PDE7B: variants seen among roughly 807,000 people sequenced by gnomAD.
The protein encoded by PDE7B is 3',5'-cyclic-AMP phosphodiesterase 7B.
In PDE7B, 29 loss-of-function variants were observed where a neutral mutation model predicts 56.2. The ratio of observed to expected loss-of-function variants is 0.52; its 90% CI spans 0.38 to 0.70. The LOEUF is 0.70. PDE7B is among the 30% of genes least tolerant of loss of function. PDE7B has a pLI of 0.00. For missense variants in PDE7B, 490 were observed against 565.0 expected (o/e 0.87, Z 1.35); for synonymous variants, 197 against 196.9 (o/e 1.00, Z 0.00).
chr6:135,926,085 TGGGGGGG>T (rs948738463), intron 1 of PDE7B, among the ~76,000 whole-genome samples: 4 of 16,158 alleles, frequency 2.5e-4, no homozygotes, highest in Admixed American at 1.8e-3. Flanking sequence ...TTCTTTTTTT[TGGGGGGG>T]GGGGGGGGAG....
At chr6:135,866,789 A>G (rs1775269147) in intron 1 of PDE7B, among the ~76,000 whole-genome samples, 1 of 152,246 alleles carries the variant, frequency 6.6e-6, no homozygotes, top group Admixed American at 6.5e-5. Flanking sequence ...TGTCGTAAAC[A>G]CATAAAAGAT....
At chr6:136,079,265 A>T (rs1396151042) in intron 2 of PDE7B, among the ~76,000 whole-genome samples, 1 of 152,162 alleles carries the variant, frequency 6.6e-6, no homozygotes, top group East Asian at 1.9e-4. Context: ...CAAGCATGGC[A>T]GTACTCTGGC....
rs905979163 is a variant in PDE7B at position 136,160,150 on chromosome 6, A to C, written c.711+4392A>C. Among the ~76,000 whole-genome samples, 6 of 152,142 alleles carry C rather than the reference A, an allele frequency of 3.9e-5. No individual in the cohort carries two copies. In the South Asian group the frequency reaches 6.2e-4, roughly 16 times the overall value. On this transcript the variant is annotated intron_variant, in intron 8 of 12. Transcript: ENST00000308191. ...CTCCTTCAACTTTAAGATGAAGATT[A>C]CTCTTAAAACTGCAAGTAGGAAGGG... is the stretch of plus-strand genomic sequence containing the variant.
intron 2 of PDE7B, among the ~76,000 whole-genome samples, chr6:136,021,612 C>A (rs1324398163): frequency 6.6e-6 from 1 of 151,518 alleles, no homozygotes; most frequent in African/African-American, 2.4e-5. Flanking sequence ...CCACTGCACT[C>A]CAGTCTGGGT....
chr6:135,991,685 T>A (rs919994555), intron 2 of PDE7B, among the ~76,000 whole-genome samples: 1 of 152,186 alleles, frequency 6.6e-6, no homozygotes, highest in Non-Finnish European at 1.5e-5. Flanking sequence ...TCGAATGCTT[T>A]TTAGTCATGC....
chr6:136,050,999 G>C (rs1776615454), intron 2 of PDE7B, among the ~76,000 whole-genome samples: 1 of 152,068 alleles, frequency 6.6e-6, no homozygotes, highest in Non-Finnish European at 1.5e-5. Flanking sequence ...TAAGTCAATA[G>C]TTAGAAATAC....
At chr6:135,870,828 A>G (rs1775364683) in intron 1 of PDE7B, among the ~76,000 whole-genome samples, 1 of 152,094 alleles carries the variant, frequency 6.6e-6, no homozygotes, top group Admixed American at 6.6e-5. Flanking sequence ...ACCTAGGAAG[A>G]CAATGTAAAG....
At chr6:135,907,896 A>G (rs1776144231) in intron 1 of PDE7B, among the ~76,000 whole-genome samples, 1 of 152,200 alleles carries the variant, frequency 6.6e-6, no homozygotes. Flanking sequence ...AAAAGATTGA[A>G]AAGACATGTC....
chr6:136,048,643 A>G (rs917093337), intron 2 of PDE7B, among the ~76,000 whole-genome samples: 1 of 152,198 alleles, frequency 6.6e-6, no homozygotes, highest in African/African-American at 2.4e-5. Flanking sequence ...CTATAGGGAT[A>G]AGAAAACTTC....
intron 1 of PDE7B, among the ~76,000 whole-genome samples, chr6:135,909,055 G>C (rs887932455): frequency 6.6e-6 from 1 of 152,048 alleles, no homozygotes; most frequent in Non-Finnish European, 1.5e-5. Context: ...TCTTATGTTA[G>C]TTATGACAAT....
At position 135,933,871 on chromosome 6, in the gene PDE7B, A is replaced by G. The variant is rs572048521; in HGVS notation, c.22-13593A>G. ...ATTCATTTGTATTCCTTTTCTTAAG[A>G]GTCCTCCCTTTATATTTTATAAATT... On this transcript the variant is annotated intron_variant, in intron 1 of 12. Coordinates refer to ENST00000308191, the MANE Select transcript of PDE7B (RefSeq NM_018945.4). Among the ~76,000 whole-genome samples, 28 of 152,250 alleles carry G rather than the reference A, an allele frequency of 1.8e-4. No homozygotes were observed. In the South Asian group the frequency reaches 5.8e-3, roughly 32 times the overall value.
chr6:135,875,142 A>T (rs1307190827), intron 1 of PDE7B, among the ~76,000 whole-genome samples: 1 of 152,056 alleles, frequency 6.6e-6, no homozygotes, highest in Non-Finnish European at 1.5e-5. Flanking sequence ...TTTTTAAAAC[A>T]ATATATAACT....
At chr6:136,149,041 C>A (rs765435912) in intron 4 of PDE7B, 46 bp from the exon 5 acceptor site, 5 of 1,326,818 alleles carry the variant, frequency 3.8e-6, no homozygotes, top group South Asian at 1.2e-5. Context: ...ATGTTTGAGT[C>A]TCCAGTGTGA....
chr6:136,038,206 A>AAGCAGAAACAGCAGC (rs1201405332), intron 2 of PDE7B: 1 of 1,285,372 alleles, frequency 7.8e-7, no homozygotes, highest in Non-Finnish European at 1.0e-6. Flanking sequence ...GCAGCAGCAG[A>AAGCAGAAACAGCAGC]AGCAGAAACA....
rs1156465300 is a variant in PDE7B at position 136,147,966 on chromosome 6, C to A, written c.318+464C>A. ...ATTTTCCTTTTCATAATTTTTAATT[C>A]ATTTGAATAAATTTTAATAACTCTA... On this transcript the variant is annotated intron_variant, in intron 4 of 12. Transcript: ENST00000308191. Among the ~76,000 whole-genome samples, 3 of 152,040 alleles carry A rather than the reference C, an allele frequency of 2.0e-5. No individual in the cohort carries two copies. The East Asian group carries it at 5.8e-4, about 29-fold the overall frequency.
intron 3 of PDE7B, among the ~76,000 whole-genome samples, chr6:136,114,105 TA>T (rs1327649872): frequency 3.3e-5 from 5 of 152,220 alleles, no homozygotes; most frequent in African/African-American, 1.2e-4. Flanking sequence ...AGTAGTAGGT[TA>T]ATTGGCTATT....
chr6:136,064,314 A>T (rs1776895210), intron 2 of PDE7B: 1 of 152,252 alleles, frequency 6.6e-6, no homozygotes, highest in South Asian at 2.1e-4. Context: ...GGAGCCAAAA[A>T]TTACCAAACA....
intron 1 of PDE7B, among the ~76,000 whole-genome samples, chr6:135,884,210 T>C (rs1191366050): frequency 6.6e-6 from 1 of 152,188 alleles, no homozygotes; most frequent in Non-Finnish European, 1.5e-5. Context: ...TTTGCTTAAA[T>C]AATGGGTGAA....
chr6:135,943,734 A>T (rs886141407), intron 1 of PDE7B, among the ~76,000 whole-genome samples: 1 of 152,178 alleles, frequency 6.6e-6, no homozygotes, highest in African/African-American at 2.4e-5. Context: ...CTAATCCACA[A>T]AGATTTATGA....
Sources: gnomAD v4.1 joint callset for allele counts (sites outside exome capture counted in the v4.1 genomes callset) on GRCh38, gnomAD v4.1.1 for gene constraint, MANE v1.5 for transcripts, NCBI Gene and HGNC (gene_info 2026-07-23, HGNC 2026-07-21) for gene names.